TEX101: variants seen among roughly 807,000 people sequenced by gnomAD.
TEX101 encodes the protein testis-expressed protein 101.
A neutral mutation model predicts 18.1 loss-of-function variants in TEX101; 10 were observed. That is an observed-to-expected ratio of 0.55 (90% CI 0.34 to 0.94). The LOEUF is 0.94. Among genes scored for constraint, TEX101 ranks in the 40% least tolerant of loss-of-function variants. The probability of loss-of-function intolerance (pLI) is 0.02; values close to 1 mark genes in which losing one functional copy is unlikely to be tolerated. For synonymous variants in TEX101, 94 were observed against 114.8 expected (o/e 0.82, Z 1.16); for missense variants, 259 against 298.9 (o/e 0.87, Z 0.98).
At chr19:43,398,230 TAATATATAA>T (rs1175340492), upstream of TEX101, among the ~76,000 whole-genome samples, 12 of 108,508 alleles carry the variant, frequency 1.1e-4, no homozygotes, top group South Asian at 5.0e-4. Context: ...GTATAACATA[TAATATATAA>T]AATATATAAT....
chr19:43,417,759 A>G, intron 4 of TEX101, 119 bp from the exon 5 acceptor site: 1 of 1,302,188 alleles, frequency 7.7e-7, no homozygotes, highest in East Asian at 2.4e-5. Context: ...GGGAGGCTGA[A>G]GTAATGGGCC....
Position 43,418,402 on chromosome 19 carries a change from G to C in TEX101, c.*5G>C, listed in dbSNP as rs1298372361. 2 of 1,609,268 alleles carry C rather than the reference G, an allele frequency of 1.2e-6. No individual in the cohort carries two copies. The highest frequency in any genetic ancestry group is 1.3e-5 in the African/African-American group (1 of 74,842). ...TCATTTATTCACTTTTCCTAAGAAGGCACTTCTGGGCCTGGGTCTGAGGAC... is the reference window on the plus strand; with the variant it reads ...TCATTTATTCACTTTTCCTAAGAAGCCACTTCTGGGCCTGGGTCTGAGGAC... On this transcript the variant is annotated 3_prime_UTR_variant, in exon 6 of 6. Transcript: ENST00000598265.
At chr19:43,400,814 T>C (rs1175226755), upstream of TEX101, among the ~76,000 whole-genome samples, 1 of 152,238 alleles carries the variant, frequency 6.6e-6, no homozygotes, top group Non-Finnish European at 1.5e-5. Flanking sequence ...TAATGGTTTA[T>C]GTTCCATCTC....
chr19:43,417,314 AAAAC>A (rs1316156195), intron 4 of TEX101, among the ~76,000 whole-genome samples: 5 of 151,578 alleles, frequency 3.3e-5, no homozygotes, highest in Non-Finnish European at 5.9e-5. Context: ...AACAAAAACA[AAAAC>A]AAAAAAAACA....
the TEX101 span, among the ~76,000 whole-genome samples, chr19:43,395,938 T>C: frequency 1.3e-5 from 2 of 152,196 alleles, no homozygotes; most frequent in African/African-American, 2.4e-5. Context: ...CAGGTGTGCA[T>C]TGAGCTCTGT....
the TEX101 span, among the ~76,000 whole-genome samples, chr19:43,394,409 G>A: frequency 6.6e-6 from 1 of 151,894 alleles, no homozygotes; most frequent in Non-Finnish European, 1.5e-5. Context: ...ACCATCACTT[G>A]GTCCTGTGAA....
chr19:43,411,082 T>C (rs1207813598), upstream of TEX101, among the ~76,000 whole-genome samples: 1 of 151,076 alleles, frequency 6.6e-6, no homozygotes, highest in Non-Finnish European at 1.5e-5. Flanking sequence ...CACTGGAAGG[T>C]TTTGGTTTTT....
intron 2 of TEX101, among the ~76,000 whole-genome samples, chr19:43,404,277 G>C (rs1333264091): frequency 6.6e-6 from 1 of 151,968 alleles, no homozygotes; most frequent in Admixed American, 6.6e-5. Context: ...ACTGTATTCT[G>C]GGAATTACTT....
chr19:43,415,149 AGGT>A, intron 1 of TEX101, 111 bp downstream of exon 1: 1 of 805,040 alleles, frequency 1.2e-6, no homozygotes, highest in Non-Finnish European at 1.5e-6. Context: ...CCGCAGGAAA[AGGT>A]GGTTGGAACC....
upstream of TEX101, among the ~76,000 whole-genome samples, chr19:43,400,937 TA>T (rs766963687): frequency 8.5e-5 from 13 of 152,312 alleles, no homozygotes; most frequent in Non-Finnish European, 1.9e-4. Context: ...TTAAATATTT[TA>T]AAAGTTTATT....
chr19:43,395,808 G>C, the TEX101 span, among the ~76,000 whole-genome samples: 1 of 152,216 alleles, frequency 6.6e-6, no homozygotes, highest in Non-Finnish European at 1.5e-5. Flanking sequence ...AGGAGCCTCC[G>C]TGGCTCAGGT....
the TEX101 span, among the ~76,000 whole-genome samples, chr19:43,390,884 A>G: frequency 1.3e-5 from 2 of 150,510 alleles, no homozygotes; most frequent in South Asian, 2.1e-4. Flanking sequence ...GGAATTCTTT[A>G]CCAATTAAAC....
At chr19:43,410,236 G>A (rs900271144), upstream of TEX101, among the ~76,000 whole-genome samples, 6 of 152,264 alleles carry the variant, frequency 3.9e-5, no homozygotes, top group African/African-American at 1.4e-4. Context: ...GCTTATGCCG[G>A]CTTCACTGAG....
chr19:43,403,076 A>G (rs992798262), intron 2 of TEX101, among the ~76,000 whole-genome samples: 33 of 152,294 alleles, frequency 2.2e-4, no homozygotes, highest in Admixed American at 1.0e-3. Flanking sequence ...CCCAACTGCC[A>G]TCTGGCGATA....
chr19:43,399,661 G>T (rs117223678), upstream of TEX101, among the ~76,000 whole-genome samples: 4,120 of 152,090 alleles, frequency 0.027, 86 homozygotes, highest in South Asian at 0.056. Context: ...GTAAACTGAT[G>T]ACATTTTAAA....
exon 3 of TEX101, chr19:43,406,229 GA>G: frequency 4.2e-6 from 2 of 474,758 alleles, no homozygotes; most frequent in Non-Finnish European, 7.4e-6. Context: ...GCAGGGCACT[GA>G]ATGTCAAAGT....
the TEX101 span, among the ~76,000 whole-genome samples, chr19:43,396,335 C>G: frequency 6.6e-6 from 1 of 152,238 alleles, no homozygotes; most frequent in Non-Finnish European, 1.5e-5. Flanking sequence ...TCCACTTTTA[C>G]GATCTGAATA....
intron 4 of TEX101, among the ~76,000 whole-genome samples, chr19:43,417,390 T>G (rs1020502201): frequency 2.0e-5 from 3 of 152,220 alleles, no homozygotes; most frequent in Non-Finnish European, 4.4e-5. Flanking sequence ...CACAATTCCC[T>G]GAATCCACCA....
At chr19:43,415,839 C>T in intron 1 of TEX101, 42 bp from the exon 2 acceptor site, 1 of 1,576,264 alleles carries the variant, frequency 6.3e-7, no homozygotes, top group Admixed American at 1.7e-5. Context: ...CTCATGCACT[C>T]TGGCTGAAAA....
Sources: allele counts gnomAD v4.1 joint callset (sites outside exome capture counted in the v4.1 genomes callset), GRCh38; gene constraint gnomAD v4.1.1; transcripts MANE v1.5; gene names NCBI Gene and HGNC (gene_info 2026-07-23, HGNC 2026-07-21).